Variants in MME observed in about 807,000 individuals in gnomAD.
MME encodes the protein neprilysin.
Under a neutral mutation model 113.2 loss-of-function variants are expected in MME, and 98 were observed. The ratio of observed to expected loss-of-function variants is 0.87; its 90% CI spans 0.74 to 1.02. The LOEUF (loss-of-function observed/expected upper bound fraction) is 1.02, where lower values mean the gene tolerates loss of function less well. MME is among the 50% of genes least tolerant of loss of function. MME has a pLI of 0.00. For missense variants in MME, 836 were observed against 896.0 expected (o/e 0.93, Z 0.86); for synonymous variants, 292 against 300.6 (o/e 0.97, Z 0.30).
chr3:155,118,903 G>A, intron 8 of MME, 92 bp downstream of exon 8: 1 of 841,688 alleles, frequency 1.2e-6, no homozygotes, highest in South Asian at 1.5e-5. Flanking sequence ...ATTAAATTTA[G>A]CCCTCTGATG....
chr3:155,157,887 C>T (rs1468347168), intron 16 of MME, among the ~76,000 whole-genome samples: 2 of 152,106 alleles, frequency 1.3e-5, no homozygotes, highest in Non-Finnish European at 2.9e-5. Context: ...AGGTATAATT[C>T]ACAGTGGACA....
At chr3:155,103,938 T>C (rs1717473255) in intron 3 of MME, among the ~76,000 whole-genome samples, 2 of 152,202 alleles carry the variant, frequency 1.3e-5, no homozygotes, top group African/African-American at 4.8e-5. Context: ...ACCTCTAGGT[T>C]AGGAGGAGCT....
chr3:155,090,778 G>T (rs182257842), intron 3 of MME, among the ~76,000 whole-genome samples: 6 of 152,152 alleles, frequency 3.9e-5, no homozygotes, highest in Non-Finnish European at 8.8e-5. Flanking sequence ...ACTACTGTAC[G>T]CACATACTGA....
chr3:155,178,459 A>G (rs1712776909), intron 22 of MME, among the ~76,000 whole-genome samples: 1 of 152,118 alleles, frequency 6.6e-6, no homozygotes, highest in South Asian at 2.1e-4. Flanking sequence ...AAACAACAGA[A>G]ACACTAAGTC....
At chr3:155,051,678 A>G (rs1398027499) in intron 1 of MME, among the ~76,000 whole-genome samples, 1 of 152,172 alleles carries the variant, frequency 6.6e-6, no homozygotes, top group Non-Finnish European at 1.5e-5. Flanking sequence ...GGTCCCTCCC[A>G]TGACACATGG....
chr3:155,133,205 C>T (rs184314188), intron 8 of MME, among the ~76,000 whole-genome samples: 69 of 151,206 alleles, frequency 4.6e-4, no homozygotes, highest in African/African-American at 1.4e-3. Flanking sequence ...GGATTTAGCA[C>T]GGCAGTAACC....
chr3:155,142,397 C>A, intron 12 of MME, 67 bp downstream of exon 12: 1 of 1,276,444 alleles, frequency 7.8e-7, no homozygotes, highest in Non-Finnish European at 1.1e-6. Flanking sequence ...TGAAGGCTTA[C>A]CATGTACACT....
At chr3:155,154,376 G>T (rs1722164889) in intron 16 of MME, among the ~76,000 whole-genome samples, 1 of 152,242 alleles carries the variant, frequency 6.6e-6, no homozygotes, top group Admixed American at 6.5e-5. Context: ...CCACTGCAAT[G>T]AGTGCCTAAT....
chr3:155,135,366 A>G (rs1269876823), intron 8 of MME, among the ~76,000 whole-genome samples: 2 of 149,034 alleles, frequency 1.3e-5, no homozygotes, highest in Non-Finnish European at 3.0e-5. Context: ...CTAGCCAGTT[A>G]CCCTAGCACC....
intron 3 of MME, among the ~76,000 whole-genome samples, chr3:155,108,061 A>C (rs1167858588): frequency 6.6e-6 from 1 of 152,224 alleles, no homozygotes; most frequent in African/African-American, 2.4e-5. Context: ...CTTTAAACAG[A>C]AACACACATA....
At chr3:155,093,498 G>GA (rs1716466903) in intron 3 of MME, among the ~76,000 whole-genome samples, 1 of 152,086 alleles carries the variant, frequency 6.6e-6, no homozygotes, top group African/African-American at 2.4e-5. Flanking sequence ...CCTGCTTCTG[G>GA]AAAAATGTGT....
At chr3:155,076,986 C>T (rs899469777), upstream of MME, among the ~76,000 whole-genome samples, 2 of 152,138 alleles carry the variant, frequency 1.3e-5, no homozygotes, top group African/African-American at 2.4e-5. Context: ...CCTGTTTCAT[C>T]AGCACAGTCT....
rs145390600 is a variant in MME at position 155,112,027 on chromosome 3, G to C, written c.197-2967G>C. On this transcript the variant is annotated intron_variant, in intron 3 of 22. Coordinates refer to ENST00000360490, the MANE Select transcript of MME (RefSeq NM_007289.4). Reference sequence around the variant, plus strand: ...TATTTTTATTTCCTTCAAAATTCGAGGGAATTGCTTTTTCTCTCTACCTTT... The same window carrying C: ...TATTTTTATTTCCTTCAAAATTCGACGGAATTGCTTTTTCTCTCTACCTTT... Among the ~76,000 whole-genome samples the C allele has an allele frequency of 8.2e-3, 1,065 of 129,844 alleles. 18 individuals are homozygous for C. The highest frequency in any genetic ancestry group is 0.026 in the African/African-American group (1,008 of 38,642). The allele number at this position is 129,844 out of a possible 152,430, so 85.2% of individuals were successfully genotyped here.
upstream of MME, among the ~76,000 whole-genome samples, chr3:155,075,301 G>A (rs1714710146): frequency 6.6e-6 from 1 of 151,862 alleles, no homozygotes; most frequent in Non-Finnish European, 1.5e-5. Flanking sequence ...TTTCAACTAT[G>A]CTATAGCCTT....
At chr3:155,040,271 C>T (rs764714666) in intron 1 of MME, among the ~76,000 whole-genome samples, 5 of 152,146 alleles carry the variant, frequency 3.3e-5, no homozygotes, top group Non-Finnish European at 7.4e-5. Flanking sequence ...TTAGCATCAT[C>T]TCTGGCCGCT....
chr3:155,058,970 A>G (rs1714038617), intron 1 of MME, among the ~76,000 whole-genome samples: 1 of 152,150 alleles, frequency 6.6e-6, no homozygotes, highest in Non-Finnish European at 1.5e-5. Flanking sequence ...GATTATGGAA[A>G]AAGAAGGATT....
intron 8 of MME, among the ~76,000 whole-genome samples, chr3:155,126,220 G>A (rs1216445361): frequency 6.6e-6 from 1 of 152,140 alleles, no homozygotes; most frequent in African/African-American, 2.4e-5. Context: ...TTACAGATTT[G>A]AAAGTGATTG....
At chr3:155,176,907 G>A (rs1712591584) in intron 22 of MME, among the ~76,000 whole-genome samples, 1 of 152,112 alleles carries the variant, frequency 6.6e-6, no homozygotes, top group South Asian at 2.1e-4. Context: ...GCCCTAGTGT[G>A]TTGTTGATCT....
chr3:155,075,821 G>C (rs1347281013), upstream of MME, among the ~76,000 whole-genome samples: 1 of 152,162 alleles, frequency 6.6e-6, no homozygotes, highest in African/African-American at 2.4e-5. Context: ...AGGCCTGATT[G>C]AGTAAAGACT....
Sources: gnomAD v4.1 joint callset for allele counts (sites outside exome capture counted in the v4.1 genomes callset) on GRCh38, gnomAD v4.1.1 for gene constraint, MANE v1.5 for transcripts, NCBI Gene and HGNC (gene_info 2026-07-23, HGNC 2026-07-21) for gene names.